ITGA8: variants seen among roughly 807,000 people sequenced by gnomAD.
ITGA8 encodes integrin subunit alpha 8.
ITGA8 carries 91 observed loss-of-function variants against 142.3 expected under a neutral mutation model. That is an observed-to-expected ratio of 0.64 (90% CI 0.54 to 0.76). The LOEUF is 0.76. ITGA8 is among the 30% of genes least tolerant of loss of function. The pLI, the probability that ITGA8 is intolerant of heterozygous loss-of-function variation, is 0.00. For synonymous variants in ITGA8, 505 were observed against 485.2 expected (o/e 1.04, Z -0.54); for missense variants, 1,406 against 1,327.7 (o/e 1.06, Z -0.92).
intron 27 of ITGA8, among the ~76,000 whole-genome samples, chr10:15,538,405 G>A (rs1405174891): frequency 6.6e-6 from 1 of 151,624 alleles, no homozygotes; most frequent in Non-Finnish European, 1.5e-5. Flanking sequence ...CCAGCTACTT[G>A]GGAGGCTGAG....
intron 25 of ITGA8, among the ~76,000 whole-genome samples, chr10:15,566,300 C>G (rs1372490671): frequency 6.6e-6 from 1 of 152,224 alleles, no homozygotes; most frequent in African/African-American, 2.4e-5. Context: ...TCAGCTTTCT[C>G]TCATGTTAAG....
intron 11 of ITGA8, among the ~76,000 whole-genome samples, chr10:15,651,020 T>C (rs536145707): frequency 1.3e-5 from 2 of 152,326 alleles, no homozygotes; most frequent in East Asian, 3.9e-4. Flanking sequence ...TTCCTTTCAA[T>C]TGGATTTTTC....
intron 10 of ITGA8, among the ~76,000 whole-genome samples, chr10:15,656,600 G>A (rs149627478): frequency 6.6e-6 from 1 of 152,054 alleles, no homozygotes; most frequent in Non-Finnish European, 1.5e-5. Flanking sequence ...CTGACCTCAG[G>A]TGATCCACCC....
Position 15,684,988 on chromosome 10 carries a change from C to T in ITGA8, c.445-861G>A, listed in dbSNP as rs561623196. ...CAATGACTTTCATCTGGACGCACTT[C>T]TCCATTTTCACAGTGTTTTTGGCTT... On this transcript the variant is annotated intron_variant, in intron 3 of 29. Coordinates refer to ENST00000378076, the MANE Select transcript of ITGA8 (RefSeq NM_003638.3). Among the ~76,000 whole-genome samples the T allele has an allele frequency of 2.6e-5, 4 of 152,298 alleles. No homozygotes were observed. The South Asian group carries it at 8.3e-4, about 32-fold the overall frequency.
At chr10:15,707,066 G>C (rs952275690) in intron 2 of ITGA8, among the ~76,000 whole-genome samples, 1 of 152,128 alleles carries the variant, frequency 6.6e-6, no homozygotes, top group Non-Finnish European at 1.5e-5. Context: ...TCCTTGCTCA[G>C]ATATCACCTC....
intron 8 of ITGA8, among the ~76,000 whole-genome samples, 192 bp from the exon 9 acceptor site, chr10:15,661,114 A>G (rs1834278591): frequency 6.6e-6 from 1 of 152,184 alleles, no homozygotes; most frequent in Non-Finnish European, 1.5e-5. Context: ...CCACACACAC[A>G]GTAGGAGGTG....
intron 13 of ITGA8, among the ~76,000 whole-genome samples, chr10:15,619,483 G>C (rs1833450834): frequency 6.6e-6 from 1 of 152,070 alleles, no homozygotes; most frequent in Non-Finnish European, 1.5e-5. Context: ...CCATATTCAT[G>C]GCATTAAAGA....
intron 27 of ITGA8, among the ~76,000 whole-genome samples, chr10:15,546,984 A>G (rs887281483): frequency 1.1e-4 from 16 of 152,228 alleles, no homozygotes; most frequent in African/African-American, 3.8e-4. Flanking sequence ...GAGACTGTAG[A>G]AGCATATTAA....
intron 20 of ITGA8, among the ~76,000 whole-genome samples, chr10:15,600,770 G>T (rs951253115): frequency 2.6e-5 from 4 of 152,202 alleles, no homozygotes; most frequent in African/African-American, 9.7e-5. Context: ...CTGGGCAAAA[G>T]ATCATGGCAG....
chr10:15,597,986 G>C (rs1833036817), intron 20 of ITGA8, among the ~76,000 whole-genome samples: 1 of 152,116 alleles, frequency 6.6e-6, no homozygotes, highest in African/African-American at 2.4e-5. Flanking sequence ...ATTTGTTCTG[G>C]AACAGTTGCC....
chr10:15,565,128 T>C (rs1489987849), intron 25 of ITGA8, among the ~76,000 whole-genome samples: 1 of 152,240 alleles, frequency 6.6e-6, no homozygotes, highest in African/African-American at 2.4e-5. Context: ...TGTGTAATTC[T>C]TTTTGATGGT....
At chr10:15,716,672 T>TA (rs1202072212) in intron 2 of ITGA8, among the ~76,000 whole-genome samples, 3 of 147,144 alleles carry the variant, frequency 2.0e-5, no homozygotes, top group South Asian at 2.1e-4. Context: ...CCTATTGTAT[T>TA]TTTTTTTTTT....
intron 2 of ITGA8, among the ~76,000 whole-genome samples, chr10:15,705,746 T>A (rs1448732802): frequency 6.6e-6 from 1 of 152,230 alleles, no homozygotes. Context: ...ATCAATAACC[T>A]TCAGCTGCCA....
At chr10:15,575,983 A>G (rs1349352819) in intron 23 of ITGA8, among the ~76,000 whole-genome samples, 4 of 148,922 alleles carry the variant, frequency 2.7e-5, no homozygotes, top group Non-Finnish European at 5.9e-5. Flanking sequence ...GTGTGTGTGT[A>G]TGGGTTATTT....
At chr10:15,642,743 T>TA (rs1833893613) in intron 13 of ITGA8, among the ~76,000 whole-genome samples, 1 of 152,234 alleles carries the variant, frequency 6.6e-6, no homozygotes, top group African/African-American at 2.4e-5. Context: ...ATTAGTGTCA[T>TA]AAAAGGTTTA....
intron 26 of ITGA8, among the ~76,000 whole-genome samples, chr10:15,556,959 A>C (rs1457659984): frequency 6.6e-6 from 1 of 152,214 alleles, no homozygotes; most frequent in Non-Finnish European, 1.5e-5. Flanking sequence ...TGGTCTACAG[A>C]GCACAGATAA....
At position 15,677,710 on chromosome 10, in the gene ITGA8, T is replaced by C. The variant is rs3765585; in HGVS notation, c.631-73A>G. The C allele has an allele frequency of 0.12, 177,330 of 1,461,500 alleles. 11,174 individuals are homozygous for C. Among genetic ancestry groups the C allele is most frequent in the East Asian group, 0.19 (8,085 of 43,518 alleles). 90.5% of individuals were successfully genotyped at this position (1,461,500 alleles called of 1,614,324 possible). On this transcript the variant is annotated intron_variant, in intron 5 of 29. Coordinates refer to ENST00000378076, the MANE Select transcript of ITGA8 (RefSeq NM_003638.3). ...TAAACATTTTTAAAGGGTGATAAAT[T>C]GTTGTTAATAAGCATTGCTCTAACA...
rs78140894 is a variant in ITGA8 at position 15,581,529 on chromosome 10, T to C, written c.2372+5055A>G. 1.5e-3 allele frequency among the ~76,000 whole-genome samples: 228 copies of C among 152,282 alleles called. 5 individuals carry two copies. In the East Asian group the frequency reaches 0.023, roughly 16 times the overall value. ...ACTGAAGTTTTGACCCTGAGGGTGG[T>C]TTTGGGAATCACCTGAATCTGCAGT... On this transcript the variant is annotated intron_variant, in intron 23 of 29. Transcript: ENST00000378076.
intron 4 of ITGA8, among the ~76,000 whole-genome samples, chr10:15,679,026 G>T (rs9333095): frequency 0.014 from 2,205 of 152,100 alleles, 53 homozygotes; most frequent in African/African-American, 0.05. Context: ...CATCCCTTTT[G>T]GCTACTCTAT....
Sources: allele counts gnomAD v4.1 joint callset (sites outside exome capture counted in the v4.1 genomes callset), GRCh38; gene constraint gnomAD v4.1.1; transcripts MANE v1.5; gene names NCBI Gene and HGNC (gene_info 2026-07-23, HGNC 2026-07-21).